MAP6: variants seen among roughly 807,000 people sequenced by gnomAD.
The protein encoded by MAP6 is microtubule associated protein 6, also known as microtubule-associated protein 6.
A neutral mutation model predicts 42.4 loss-of-function variants in MAP6; 26 were observed. The ratio of observed to expected loss-of-function variants is 0.61; its 90% CI spans 0.45 to 0.85. The LOEUF (loss-of-function observed/expected upper bound fraction) is 0.85. Among genes scored for constraint, MAP6 ranks in the 40% least tolerant of loss-of-function variants. The pLI, the probability that MAP6 is intolerant of heterozygous loss-of-function variation, is 0.00. For missense variants in MAP6, 966 were observed against 1,099.0 expected, an observed-to-expected ratio of 0.88 and a Z score of 1.71; for synonymous variants, 418 against 443.8, an observed-to-expected ratio of 0.94 and a Z score of 0.73.
chr11:75,620,278 C>T (rs187104726), intron 1 of MAP6, among the ~76,000 whole-genome samples: 87 of 151,928 alleles, frequency 5.7e-4, no homozygotes, highest in Admixed American at 3.1e-3. Flanking sequence ...GAGACCAGCC[C>T]GGCCAACATG....
chr11:75,628,072 G>T (rs1474419743), intron 1 of MAP6, among the ~76,000 whole-genome samples: 1 of 152,212 alleles, frequency 6.6e-6, no homozygotes, highest in Non-Finnish European at 1.5e-5. Flanking sequence ...ACTCATCTGA[G>T]AGACAAGGCC....
rs757442401 is a variant in MAP6 at position 75,587,122 on chromosome 11, T to G, written c.2379A>C (p.Ser793=). The G allele has an allele frequency of 1.1e-5, 17 of 1,613,098 alleles. No homozygotes were observed. The highest frequency in any genetic ancestry group is 1.4e-5 in the Non-Finnish European group (17 of 1,179,300). The change falls in exon 4 of 4, where the codon TCA becomes TCC. Residue 793 remains serine (S), a synonymous_variant. Transcript: ENST00000304771. ...GPRDPQLPTV[S]PLPRVMIPTA... is the part of the protein sequence containing the mutation. The stretch of plus-strand genomic sequence containing the variant: ...TTGGGATCATGACTCGGGGTAGAGG[T>G]GAGACAGTAGGTAGCTGAGGGTCCC...
At chr11:75,617,345 C>A (rs182508717) in intron 1 of MAP6, among the ~76,000 whole-genome samples, 1 of 151,734 alleles carries the variant, frequency 6.6e-6, no homozygotes, top group Admixed American at 6.6e-5. Flanking sequence ...GGTAAAACCC[C>A]CTCTCTACCA....
chr11:75,626,031 T>G (rs1346832227), intron 1 of MAP6, among the ~76,000 whole-genome samples: 1 of 152,176 alleles, frequency 6.6e-6, no homozygotes, highest in Non-Finnish European at 1.5e-5. Flanking sequence ...CCCCATGCTC[T>G]TTGCTTGACC....
chr11:75,621,549 G>C (rs960766298), intron 1 of MAP6, among the ~76,000 whole-genome samples: 1 of 152,050 alleles, frequency 6.6e-6, no homozygotes, highest in African/African-American at 2.4e-5. Context: ...AAGAAAAGAA[G>C]TTAAAGGCAT....
At chr11:75,591,956 T>C (rs929554983) in intron 3 of MAP6, among the ~76,000 whole-genome samples, 3 of 152,250 alleles carry the variant, frequency 2.0e-5, no homozygotes, top group Admixed American at 6.5e-5. Flanking sequence ...ATAAGTCCAC[T>C]TCTGTAATAA....
chr11:75,637,762 AGC>A (rs1376438387), intron 1 of MAP6, among the ~76,000 whole-genome samples: 4 of 145,572 alleles, frequency 2.7e-5, no homozygotes, highest in African/African-American at 1.0e-4. Flanking sequence ...CTTGAAATGG[AGC>A]TGTTTCTTAA....
chr11:75,623,608 G>A (rs1943147107), intron 1 of MAP6, among the ~76,000 whole-genome samples: 1 of 152,130 alleles, frequency 6.6e-6, no homozygotes, highest in South Asian at 2.1e-4. Context: ...GAGAGCAGAG[G>A]TGGCATCTGA....
rs535988495 is a variant in MAP6 at position 75,668,346 on chromosome 11, C to T, written c.24G>A (p.Arg8=). ...TCCAGAAGCGGGCGATGCAGCAGGC[C>T]CTCGTGATGCACGGCCACGCCATGA... MAWPCIT[R]ACCIARFWNQ... Residue 8 remains arginine, a synonymous_variant, in exon 1 of 4, where the codon AGG becomes AGA. Transcript: ENST00000304771. 2.6e-5 allele frequency: 41 copies of T among 1,575,466 alleles called. No individual in the cohort carries two copies. The Admixed American group carries it at 4.6e-4, about 18-fold the overall frequency.
intron 1 of MAP6, among the ~76,000 whole-genome samples, chr11:75,666,706 A>G (rs1221119353): frequency 2.0e-5 from 3 of 152,218 alleles, no homozygotes; most frequent in Non-Finnish European, 4.4e-5. Context: ...AGGCACTCAA[A>G]AATATGTTGA....
At position 75,667,375 on chromosome 11, in the gene MAP6, TAG is replaced by T; in HGVS notation, c.905+88_905+89del. 2 of 1,237,442 alleles carry T rather than the reference TAG, an allele frequency of 1.6e-6. No homozygotes were observed. The highest frequency in any genetic ancestry group is 6.5e-5 in the East Asian group (2 of 30,936). The allele number at this position is 1,237,442 out of a possible 1,614,324, so 76.7% of individuals were successfully genotyped here. On this transcript the variant is annotated intron_variant, in intron 1 of 3. Coordinates refer to ENST00000304771, the MANE Select transcript of MAP6 (RefSeq NM_033063.2). The surrounding 1 kb of genome is among the most constrained non-coding windows in gnomAD (Gnocchi z 5.6). ...CTGGGACTGGAGGGAGGCTGCACGC[TAG>T]GCCTGCGCTGGGGATCCTGGGCCCC...
At chr11:75,625,688 AAAACAAAAAAC>A (rs1943181963) in intron 1 of MAP6, among the ~76,000 whole-genome samples, 1 of 152,212 alleles carries the variant, frequency 6.6e-6, no homozygotes, top group Non-Finnish European at 1.5e-5. Context: ...TTCTGTACAG[AAAACAAAAAAC>A]AAACAAACAA....
intron 2 of MAP6, chr11:75,607,271 C>CA: frequency 2.0e-6 from 2 of 985,430 alleles, no homozygotes; most frequent in Non-Finnish European, 2.4e-6. Context: ...GACTTTAGGA[C>CA]AAAAGCAGAG....
chr11:75,618,765 C>T (rs1320241130), intron 1 of MAP6, among the ~76,000 whole-genome samples: 1 of 152,200 alleles, frequency 6.6e-6, no homozygotes, highest in Non-Finnish European at 1.5e-5. Context: ...GCCAGAGGCC[C>T]CCCTAAATTG....
At chr11:75,631,487 A>ATC (rs1370100077) in intron 1 of MAP6, among the ~76,000 whole-genome samples, 1 of 152,094 alleles carries the variant, frequency 6.6e-6, no homozygotes, top group Non-Finnish European at 1.5e-5. Flanking sequence ...CCTCCTCCAG[A>ATC]TGGGCTCATG....
intron 1 of MAP6, among the ~76,000 whole-genome samples, chr11:75,655,316 G>T (rs866947581): frequency 2.6e-5 from 4 of 152,178 alleles, no homozygotes; most frequent in Non-Finnish European, 5.9e-5. Context: ...AAAGGATTTA[G>T]AAAGAAGATG....
intron 3 of MAP6, among the ~76,000 whole-genome samples, chr11:75,594,942 C>T (rs1265500396): frequency 6.6e-6 from 1 of 152,222 alleles, no homozygotes; most frequent in East Asian, 1.9e-4. Context: ...GCCTGTGTCT[C>T]TTCAAACCAG....
intron 1 of MAP6, among the ~76,000 whole-genome samples, chr11:75,665,081 T>G (rs1051298213): frequency 6.6e-6 from 1 of 152,184 alleles, no homozygotes; most frequent in South Asian, 2.1e-4. Flanking sequence ...AATTTAAAAA[T>G]TTTTTTGAGG....
At position 75,668,416 on chromosome 11, in the gene MAP6, A is replaced by G. The variant is rs1391123232; in HGVS notation, c.-47T>C. On this transcript the variant is annotated 5_prime_UTR_variant, in exon 1 of 4. Coordinates refer to ENST00000304771, the MANE Select transcript of MAP6 (RefSeq NM_033063.2). ...CTCCTCTTTCTTCTTGTGGTTCTAA[A>G]GCAAGTCTCTATAATCTTCCTTCAG... is the stretch of plus-strand genomic sequence containing the variant. 6.5e-7 allele frequency: 1 copy of G among 1,550,074 alleles called. No individual in the cohort carries two copies. The highest frequency in any genetic ancestry group is 8.7e-7 in the Non-Finnish European group (1 of 1,155,064).
Sources: gnomAD v4.1 joint callset for allele counts (sites outside exome capture counted in the v4.1 genomes callset) on GRCh38, gnomAD v4.1.1 for gene constraint, Gnocchi (gnomAD v3.1) non-coding constraint, MANE v1.5 for transcripts, NCBI Gene and HGNC (gene_info 2026-07-23, HGNC 2026-07-21) for gene names.